The following PRRC2C variants were observed in gnomAD, a reference collection of about 807,000 sequenced individuals.
The protein encoded by PRRC2C is protein PRRC2C.
Under a neutral mutation model 317.2 loss-of-function variants are expected in PRRC2C, and 72 were observed. The ratio of observed to expected loss-of-function variants is 0.23; its 90% confidence interval spans 0.19 to 0.28. PRRC2C has a LOEUF of 0.28. PRRC2C is among the 10% of genes least tolerant of loss of function. The probability of loss-of-function intolerance (pLI) is 1.00; values close to 1 mark genes in which losing one functional copy is unlikely to be tolerated. For missense variants in PRRC2C, 3,074 were observed against 3,459.7 expected (o/e 0.89, Z 2.80); for synonymous variants, 1,296 against 1,205.9 (o/e 1.07, Z -1.55).
chr1:171,561,033 C>T lies in PRRC2C; in HGVS notation c.6047C>T (p.Pro2016Leu), dbSNP rs772389306. Residue 2016 changes from proline to leucine, a missense_variant, in exon 20 of 35, where the codon CCA becomes CTA. Transcript: ENST00000647382. ...TTCTTTCCAGTAGGTCCCATTAGTCCACCACAGCCACCTTCAGTCAGTGCA... is the reference window on the plus strand; with the variant it reads ...TTCTTTCCAGTAGGTCCCATTAGTCTACCACAGCCACCTTCAGTCAGTGCA... ...DISKKLGPIS[P>L]PQPPSVSAWN... 8.7e-6 allele frequency: 14 copies of T among 1,602,644 alleles called. No homozygotes were observed. Among genetic ancestry groups the T allele is most frequent in the Middle Eastern group, 3.3e-4 (2 of 6,066 alleles).
chr1:171,552,206 T>C (rs182001085), intron 18 of PRRC2C, among the ~76,000 whole-genome samples: 15 of 152,328 alleles, frequency 9.8e-5, no homozygotes, highest in Middle Eastern at 3.4e-3. Flanking sequence ...TCCTAGGTAT[T>C]TTATTCTCTT....
chr1:171,496,762 A>G (rs1571571585), intron 1 of PRRC2C, among the ~76,000 whole-genome samples: 1 of 140,096 alleles, frequency 7.1e-6, no homozygotes, highest in Non-Finnish European at 1.5e-5. Flanking sequence ...CAGCAAATCG[A>G]TACATTTGGG....
chr1:171,520,958 C>T (rs1385604376), intron 6 of PRRC2C, among the ~76,000 whole-genome samples: 1 of 152,098 alleles, frequency 6.6e-6, no homozygotes, highest in Non-Finnish European at 1.5e-5. Flanking sequence ...GCACGCCCAC[C>T]ACACCTAGCT....
chr1:171,523,850 A>G (rs1194239767), intron 9 of PRRC2C, among the ~76,000 whole-genome samples: 2 of 152,148 alleles, frequency 1.3e-5, no homozygotes, highest in African/African-American at 4.8e-5. Context: ...AGCTTGGCCA[A>G]CATGGTGAAA....
At chr1:171,506,107 G>A (rs1204684431) in intron 1 of PRRC2C, among the ~76,000 whole-genome samples, 1 of 152,198 alleles carries the variant, frequency 6.6e-6, no homozygotes, top group African/African-American at 2.4e-5. Flanking sequence ...ATTTTGGCTA[G>A]ACTGGTCTCG....
In PRRC2C at chr1:171,579,821, A is replaced by G. The variant is rs372862660; in HGVS notation, c.7273-7A>G. 2 of 1,540,194 alleles carry G rather than the reference A, an allele frequency of 1.3e-6. No homozygotes were observed. The highest frequency in any genetic ancestry group is 1.7e-6 in the Non-Finnish European group (2 of 1,146,202). On this transcript the variant is annotated splice_polypyrimidine_tract_variant and splice_region_variant and intron_variant, in intron 27 of 34. Coordinates refer to ENST00000647382, the MANE Select transcript of PRRC2C (RefSeq NM_001387844.1). ...ATATGTTTACATACTTTCTCAATGC[A>G]TTGCAGCCAACTTCAGTTCAGCAGA...
rs776036687 is a variant in PRRC2C, at chr1:171,532,048, A to G, written c.1255-295A>G. 1.6e-4 allele frequency among the ~76,000 whole-genome samples: 24 copies of G among 152,168 alleles called. 1 individual carries two copies. The highest frequency in any genetic ancestry group is 2.9e-4 in the Non-Finnish European group (20 of 68,026). On this transcript the variant is annotated intron_variant, in intron 11 of 34. Transcript: ENST00000647382. Reference sequence around the variant, plus strand: ...TTTGTCTCTAAATTTAGATTTTGAGATTCACTGTTGTGCTTCTAGTTTTAT... The same window carrying G: ...TTTGTCTCTAAATTTAGATTTTGAGGTTCACTGTTGTGCTTCTAGTTTTAT...
intron 18 of PRRC2C, among the ~76,000 whole-genome samples, chr1:171,552,690 C>G (rs112869323): frequency 6.6e-6 from 1 of 152,016 alleles, no homozygotes. Context: ...TGAATTTTGT[C>G]GAAGGCCTTT....
rs1491146009 is a variant in PRRC2C at position 171,559,507 on chromosome 1, TTG to T, written c.6031+1366_6031+1367del. 9.0e-3 allele frequency among the ~76,000 whole-genome samples: 56 copies of T among 6,254 alleles called. 12 individuals are homozygous for T. Among genetic ancestry groups the T allele is most frequent in the African/African-American group, 0.019 (47 of 2,418 alleles). The allele number at this position is 6,254 out of a possible 152,430, so 4.1% of individuals were successfully genotyped here. On this transcript the variant is annotated intron_variant, in intron 19 of 34. Transcript: ENST00000647382. ...CTGTTTACAAAATGGCATACCAAGT[TTG>T]TTTTTTTTTTTTTTTTTTTTTTTTT...
rs772025132 is a variant in PRRC2C, at chr1:171,517,766, A to G, written c.702A>G (p.Gly234=). Residue 234 remains glycine, a synonymous_variant, in exon 6 of 35, where the codon GGA becomes GGG. Transcript: ENST00000647382. The stretch of plus-strand genomic sequence containing the variant: ...GTCCTCCACAGGCTAAACTGAATGG[A>G]CAGCAGGCTGCTCTCGCTTCCCAGT... ...ACGPPQAKLN[G]QQAALASQYR... is the part of the protein sequence containing the mutation. 8 of 1,613,618 alleles carry G rather than the reference A, an allele frequency of 5.0e-6. No individual in the cohort carries two copies. Among genetic ancestry groups the G allele is most frequent in the Non-Finnish European group, 1.7e-6 (2 of 1,179,886 alleles).
chr1:171,485,787 A>G (rs1196018054), intron 1 of PRRC2C, 52 bp downstream of exon 1: 1 of 152,244 alleles, frequency 6.6e-6, no homozygotes, highest in East Asian at 1.9e-4. Context: ...CCCATCGGGA[A>G]CGGCCAGAGT....
At position 171,502,464 on chromosome 1, in the gene PRRC2C, C is replaced by T. The variant is rs189344448; in HGVS notation, c.-57-9568C>T. Among the ~76,000 whole-genome samples the T allele has an allele frequency of 4.3e-4, 65 of 152,250 alleles. 1 individual carries two copies. The East Asian group carries it at 7.9e-3, about 19-fold the overall frequency. Reference sequence around the variant, plus strand: ...CCCTTTTCAGAGAGGTCTTCTGGACCTTTGCTATCCTATCCAAAGTCCCCT... The same window carrying T: ...CCCTTTTCAGAGAGGTCTTCTGGACTTTTGCTATCCTATCCAAAGTCCCCT... On this transcript the variant is annotated intron_variant, in intron 1 of 34. Coordinates refer to ENST00000647382, the MANE Select transcript of PRRC2C (RefSeq NM_001387844.1).
chr1:171,582,679 T>C (rs780839090), intron 28 of PRRC2C, among the ~76,000 whole-genome samples: 1 of 151,976 alleles, frequency 6.6e-6, no homozygotes, highest in Non-Finnish European at 1.5e-5. Flanking sequence ...ACAGAAAAGG[T>C]ACAATAAAAA....
intron 18 of PRRC2C, among the ~76,000 whole-genome samples, chr1:171,553,038 A>T (rs1364164498): frequency 6.6e-6 from 1 of 152,182 alleles, no homozygotes; most frequent in Admixed American, 6.5e-5. Flanking sequence ...AAGGAATGGT[A>T]CCGGCTCCTC....
intron 18 of PRRC2C, among the ~76,000 whole-genome samples, chr1:171,556,728 C>T (rs1332426245): frequency 1.3e-5 from 2 of 152,224 alleles, no homozygotes; most frequent in Admixed American, 1.3e-4. Context: ...ACAAAAGTAT[C>T]TATTGTAATT....
chr1:171,518,485 T>G (rs1171590612), intron 6 of PRRC2C, among the ~76,000 whole-genome samples: 4 of 81,758 alleles, frequency 4.9e-5, no homozygotes, highest in African/African-American at 1.5e-4. Flanking sequence ...TTTTTTCAAT[T>G]TTTTTTCAAT....
chr1:171,535,557 A>T lies in PRRC2C; in HGVS notation c.2003A>T (p.Gln668Leu). The T allele has an allele frequency of 6.2e-7, 1 of 1,614,046 alleles. No homozygotes were observed. The highest frequency in any genetic ancestry group is 8.5e-7 in the Non-Finnish European group (1 of 1,179,886). The change falls in exon 13 of 35, where the codon CAG becomes CTG. Residue 668 changes from glutamine to leucine, a missense_variant. By Grantham distance (113) the Gln-to-Leu change is moderately radical (BLOSUM62 -2). Around this residue, in one of 11 missense-constraint regions of PRRC2C, gnomAD observed 1,320 missense variants for 1,395.7 expected, o/e 0.95. Coordinates refer to ENST00000647382, the MANE Select transcript of PRRC2C (RefSeq NM_001387844.1). Reference sequence around the variant, plus strand: ...GCTGTATTATCTGGCTATTTCAAACAGTTTCAGAAGTCTTTACCTCCACGA... The same window carrying T: ...GCTGTATTATCTGGCTATTTCAAACTGTTTCAGAAGTCTTTACCTCCACGA... Reference protein sequence around the residue: ...RPAVLSGYFKQFQKSLPPRFQ... With the variant: ...RPAVLSGYFKLFQKSLPPRFQ...
rs1389716121 is a variant in PRRC2C, at chr1:171,587,732, C to G, written c.8053C>G (p.Pro2685Ala). 6.2e-7 allele frequency: 1 copy of G among 1,611,016 alleles called. No homozygotes were observed. The highest frequency in any genetic ancestry group is 8.5e-7 in the Non-Finnish European group (1 of 1,177,354). Residue 2685 changes from proline to alanine, a missense_variant, in exon 32 of 35, where the codon CCA becomes GCA. Coordinates refer to ENST00000647382, the MANE Select transcript of PRRC2C (RefSeq NM_001387844.1). Reference sequence around the variant, plus strand: ...TCCAATCGCTGGTAGAAGCACCACACCAACATCTAGTCCCTTCCGGTAAAA... The same window carrying G: ...TCCAATCGCTGGTAGAAGCACCACAGCAACATCTAGTCCCTTCCGGTAAAA... ...TPPIAGRSTT[P>A]TSSPFRATST...
chr1:171,545,736 T>TATTTATTC lies in PRRC2C; in HGVS notation c.4972+56_4972+57insCATTTATT, dbSNP rs1553230084. ...TTATTTATTTATTTATTTATTTATTTATTTATTTATTTGCTACATTTTAAA... is the reference window on the plus strand; with the variant it reads ...TTATTTATTTATTTATTTATTTATTTATTTATTCATTTATTTATTTGCTACATTTTAAA... On this transcript the variant is annotated intron_variant, in intron 17 of 34. Coordinates refer to ENST00000647382, the MANE Select transcript of PRRC2C (RefSeq NM_001387844.1). The TATTTATTC allele has an allele frequency of 1.0e-4, 114 of 1,089,758 alleles. 2 individuals are homozygous for TATTTATTC. In the Admixed American group the frequency reaches 1.1e-3, roughly 11 times the overall value. The allele number at this position is 1,089,758 out of a possible 1,614,324, so 67.5% of individuals were successfully genotyped here.
Sources: gnomAD v4.1 joint callset for allele counts (sites outside exome capture counted in the v4.1 genomes callset) on GRCh38, gnomAD v4.1.1 for gene constraint, gnomAD v4.1.1 regional missense constraint, MANE v1.5 for transcripts, NCBI Gene and HGNC (gene_info 2026-07-23, HGNC 2026-07-21) for gene names.